Variants in DNAI2 observed in about 807,000 individuals in gnomAD.
The protein encoded by DNAI2 is dynein axonemal intermediate chain 2.
In DNAI2, 63 loss-of-function variants were observed where a neutral mutation model predicts 74.7. The ratio of observed to expected loss-of-function variants is 0.84; its 90% confidence interval spans 0.69 to 1.04. DNAI2 has a LOEUF of 1.04. Among genes scored for constraint, DNAI2 ranks in the 50% least tolerant of loss-of-function variants. The pLI, the probability that DNAI2 is intolerant of heterozygous loss-of-function variation, is 0.00. For missense variants in DNAI2, 688 were observed against 803.2 expected (o/e 0.86, Z 1.73); for synonymous variants, 289 against 314.9 (o/e 0.92, Z 0.87).
rs558085635 is a variant in DNAI2, at chr17:74,279,033, G to T, written c.-11-2774G>T. Among the ~76,000 whole-genome samples, 4 of 152,234 alleles carry T rather than the reference G, an allele frequency of 2.6e-5. No individual in the cohort carries two copies. In the East Asian group the frequency reaches 7.8e-4, roughly 30 times the overall value. The stretch of plus-strand genomic sequence containing the variant: ...ATACAAAAAATTAGCCGGGTGTGGT[G>T]GTGGGCACCTGTAGTCCCAGCTACT... On this transcript the variant is annotated intron_variant, in intron 1 of 13. Transcript: ENST00000311014.
chr17:74,301,781 C>G (rs979184043), intron 8 of DNAI2, among the ~76,000 whole-genome samples: 2 of 147,178 alleles, frequency 1.4e-5, no homozygotes, highest in African/African-American at 5.1e-5. Flanking sequence ...AGACCCCCCC[C>G]ACCGCCCGCC....
intron 4 of DNAI2, among the ~76,000 whole-genome samples, chr17:74,287,694 C>T (rs1456620013): frequency 6.6e-6 from 1 of 152,230 alleles, no homozygotes; most frequent in African/African-American, 2.4e-5. Context: ...GTGGCTCACG[C>T]CTGTAATCCC....
At chr17:74,290,985 G>T (rs765902505) in intron 5 of DNAI2, 35 bp from the exon 6 acceptor site, 15 of 1,583,332 alleles carry the variant, frequency 9.5e-6, no homozygotes, top group Middle Eastern at 1.7e-4. Flanking sequence ...TTTTCTTTCC[G>T]GGCCTGGTGG....
chr17:74,279,017 A>C (rs1160792604), intron 1 of DNAI2, among the ~76,000 whole-genome samples: 1 of 151,992 alleles, frequency 6.6e-6, no homozygotes, highest in Non-Finnish European at 1.5e-5. Context: ...AATACAAAAA[A>C]TTAGCCGGGT....
At chr17:74,288,816 G>A (rs141578771) in intron 4 of DNAI2, among the ~76,000 whole-genome samples, 189 of 152,254 alleles carry the variant, frequency 1.2e-3, no homozygotes, top group African/African-American at 3.7e-3. Context: ...AAGCAAGGCC[G>A]TCCAATCAGA....
rs201925425 is a variant in DNAI2, at chr17:74,312,137, G to T, written c.1629G>T (p.Ala543=). ...TDEELAVDLE[A]LVSKAEEEFF... is the part of the protein sequence containing the mutation. ...AGGAGCTGGCCGTAGACCTGGAGGC[G>T]CTGGTCAGCAAGGCCGAGGAGGAGT... is the stretch of plus-strand genomic sequence containing the variant. The change falls in exon 12 of 14, where the codon GCG becomes GCT. Residue 543 remains alanine, a synonymous_variant. Coordinates refer to ENST00000311014, the MANE Select transcript of DNAI2 (RefSeq NM_023036.6). 6.2e-7 allele frequency: 1 copy of T among 1,613,810 alleles called. No homozygotes were observed. Among genetic ancestry groups the T allele is most frequent in the East Asian group, 2.2e-5 (1 of 44,864 alleles).
intron 12 of DNAI2, among the ~76,000 whole-genome samples, chr17:74,313,562 A>G (rs1187816708): frequency 6.6e-6 from 1 of 152,162 alleles, no homozygotes; most frequent in African/African-American, 2.4e-5. Flanking sequence ...GCTTTGTGAC[A>G]TATGTCCCAA....
chr17:74,313,942 C>A, intron 12 of DNAI2, 179 bp from the exon 13 acceptor site: 1 of 906,626 alleles, frequency 1.1e-6, no homozygotes, highest in Non-Finnish European at 1.7e-6. Flanking sequence ...GCTCTGCCCA[C>A]TTTCCGCACT....
At chr17:74,289,090 G>T (rs1257376998) in intron 4 of DNAI2, among the ~76,000 whole-genome samples, 1 of 152,238 alleles carries the variant, frequency 6.6e-6, no homozygotes, top group Non-Finnish European at 1.5e-5. Flanking sequence ...CTGACTCATG[G>T]TGTGCAAGCA....
chr17:74,314,372 A>C, intron 13 of DNAI2, 101 bp downstream of exon 13: 18 of 1,443,386 alleles, frequency 1.2e-5, no homozygotes, highest in East Asian at 2.5e-5. Flanking sequence ...GCCCCTACAA[A>C]TCACTAGCCC....
At chr17:74,298,644 C>T (rs1188673670) in intron 6 of DNAI2, among the ~76,000 whole-genome samples, 1 of 152,086 alleles carries the variant, frequency 6.6e-6, no homozygotes, top group Non-Finnish European at 1.5e-5. Context: ...GCTCTGTCAC[C>T]CAGGCTGGGG....
At chr17:74,292,524 C>T (rs1368439278) in intron 6 of DNAI2, among the ~76,000 whole-genome samples, 1 of 148,596 alleles carries the variant, frequency 6.7e-6, no homozygotes, top group Admixed American at 6.8e-5. Context: ...CCGAGCAATT[C>T]TTCCACCCCA....
intron 8 of DNAI2, among the ~76,000 whole-genome samples, chr17:74,304,193 T>C (rs530529397): frequency 3.2e-5 from 4 of 124,486 alleles, no homozygotes; most frequent in Non-Finnish European, 5.0e-5. Context: ...TTTCTTTTTT[T>C]TTTTTTTTTT....
At chr17:74,290,897 G>A (rs2052047846) in intron 5 of DNAI2, 123 bp from the exon 6 acceptor site, 5 of 852,436 alleles carry the variant, frequency 5.9e-6, no homozygotes, top group South Asian at 4.0e-5. Context: ...AAGACTGGAG[G>A]GGCTTCCAGG....
At chr17:74,305,133 C>T (rs78937721) in intron 8 of DNAI2, 86 bp from the exon 9 acceptor site, 3 of 1,418,734 alleles carry the variant, frequency 2.1e-6, no homozygotes, top group Non-Finnish European at 2.0e-6. Context: ...GCCTGCAGAC[C>T]CCCCAAGCAA....
At chr17:74,291,865 T>TA (rs1420120229) in intron 6 of DNAI2, among the ~76,000 whole-genome samples, 180 of 135,894 alleles carry the variant, frequency 1.3e-3, no homozygotes, top group African/African-American at 4.9e-3. Flanking sequence ...GAATTGATAT[T>TA]AATTTTTTTT....
intron 3 of DNAI2, 65 bp from the exon 4 acceptor site, chr17:74,286,912 G>T (rs1291496637): frequency 3.1e-6 from 5 of 1,608,330 alleles, no homozygotes; most frequent in African/African-American, 1.3e-5. Flanking sequence ...AGACTCCATT[G>T]CAGGCCTGGG....
At chr17:74,309,969 A>T in intron 10 of DNAI2, 48 bp from the exon 11 acceptor site, 1 of 1,517,444 alleles carries the variant, frequency 6.6e-7, no homozygotes, top group Non-Finnish European at 8.9e-7. Flanking sequence ...GACACACATA[A>T]CTTTGCTCCT....
intron 5 of DNAI2, 79 bp from the exon 6 acceptor site, chr17:74,290,941 C>G: frequency 7.7e-7 from 1 of 1,292,892 alleles, no homozygotes; most frequent in African/African-American, 1.5e-5. Context: ...CCGCTACCCA[C>G]CCGCAGAAGG....
Sources: gnomAD v4.1 joint callset for allele counts (sites outside exome capture counted in the v4.1 genomes callset) on GRCh38, gnomAD v4.1.1 for gene constraint, MANE v1.5 for transcripts, NCBI Gene and HGNC (gene_info 2026-07-23, HGNC 2026-07-21) for gene names.